DNAJC27: variants seen among roughly 807,000 people sequenced by gnomAD.
DNAJC27 encodes dnaJ homolog subfamily C member 27.
A neutral mutation model predicts 31.4 loss-of-function variants in DNAJC27; 25 were observed. The observed-to-expected ratio is 0.80, with a 90% CI of 0.58 to 1.11. The LOEUF is 1.11. Among genes scored for constraint, DNAJC27 ranks in the 50% most tolerant of loss-of-function variants. DNAJC27 has a pLI of 0.00. For synonymous variants in DNAJC27, 106 were observed against 112.7 expected (o/e 0.94, Z 0.37); for missense variants, 356 against 347.3 (o/e 1.02, Z -0.20).
chr2:24,962,187 A>G (rs1418137126), intron 3 of DNAJC27, among the ~76,000 whole-genome samples: 3 of 150,748 alleles, frequency 2.0e-5, no homozygotes, highest in Non-Finnish European at 3.0e-5. Context: ...ATCTCCTAAC[A>G]CTTGGAAACT....
At chr2:24,952,878 T>C (rs1665813465) in intron 5 of DNAJC27, among the ~76,000 whole-genome samples, 1 of 152,198 alleles carries the variant, frequency 6.6e-6, no homozygotes, top group South Asian at 2.1e-4. Context: ...CTTATGGCCT[T>C]TTCTTTTTCT....
At chr2:24,953,603 C>T in intron 5 of DNAJC27, 1 of 445,354 alleles carries the variant, frequency 2.2e-6, no homozygotes, top group Non-Finnish European at 3.0e-6. Context: ...TTTAAACAGA[C>T]TAATTTATCC....
At position 24,949,541 on chromosome 2, in the gene DNAJC27, C is replaced by G. The variant is rs144249919; in HGVS notation, c.690-1793G>C. ...AACACAGTTAACAGTCAACAAATAC[C>G]AAAACTCTCTGTAACTTAAGAAAAA... is the stretch of plus-strand genomic sequence containing the variant. On this transcript the variant is annotated intron_variant, in intron 6 of 6. Transcript: ENST00000264711. Among the ~76,000 whole-genome samples the G allele has an allele frequency of 1.8e-3, 268 of 152,276 alleles. 4 individuals carry two copies. Among genetic ancestry groups the G allele is most frequent in the African/African-American group, 6.1e-3 (254 of 41,556 alleles).
chr2:24,950,964 T>TTATA (rs1665760204), intron 6 of DNAJC27, among the ~76,000 whole-genome samples: 2 of 152,284 alleles, frequency 1.3e-5, no homozygotes, highest in South Asian at 4.1e-4. Flanking sequence ...TAAGAACCAA[T>TTATA]TATACCACTA....
chr2:24,962,143 A>C (rs1666056059), intron 3 of DNAJC27, among the ~76,000 whole-genome samples: 1 of 152,140 alleles, frequency 6.6e-6, no homozygotes, highest in South Asian at 2.1e-4. Flanking sequence ...ATGGAATCAA[A>C]CTAGAAATCA....
In DNAJC27 at chr2:24,947,497, C is replaced by T. The variant is rs1665675417; in HGVS notation, c.*119G>A. ...ACCTGAATTACTGATATACAAATGA[C>T]AACACATGAATGAAAAGAGCAGTGA... On this transcript the variant is annotated 3_prime_UTR_variant, in exon 7 of 7. Coordinates refer to ENST00000264711, the MANE Select transcript of DNAJC27 (RefSeq NM_016544.3). The T allele has an allele frequency of 8.0e-7, 1 of 1,249,270 alleles. No homozygotes were observed. Among genetic ancestry groups the T allele is most frequent in the Non-Finnish European group, 1.1e-6 (1 of 900,474 alleles). The allele number at this position is 1,249,270 out of a possible 1,614,324, so 77.4% of individuals were successfully genotyped here.
At chr2:24,948,778 G>A (rs1479240316) in intron 6 of DNAJC27, among the ~76,000 whole-genome samples, 2 of 152,148 alleles carry the variant, frequency 1.3e-5, no homozygotes, top group Non-Finnish European at 2.9e-5. Flanking sequence ...AGGGCTCTAA[G>A]TACCCAGCCA....
chr2:24,969,992 C>A (rs1380603922), intron 1 of DNAJC27, among the ~76,000 whole-genome samples: 1 of 152,052 alleles, frequency 6.6e-6, no homozygotes, highest in East Asian at 1.9e-4. Context: ...ATTGTGTAAT[C>A]CCACGTAAGG....
rs1665605598 is a variant in DNAJC27, at chr2:24,944,663, C to CT, written c.*2952dup. Reference sequence around the variant, plus strand: ...AAGTCTGGATTTTTAAATTAACAGGCTAAGAAAACTAAGGACACATTGATA... The same window carrying CT: ...AAGTCTGGATTTTTAAATTAACAGGCTTAAGAAAACTAAGGACACATTGATA... On this transcript the variant is annotated 3_prime_UTR_variant, in exon 7 of 7. Transcript: ENST00000264711. 6.6e-6 allele frequency: 1 copy of CT among 152,384 alleles called. No individual in the cohort carries two copies. Among genetic ancestry groups the CT allele is most frequent in the Non-Finnish European group, 1.5e-5 (1 of 68,000 alleles). 9.4% of individuals were successfully genotyped at this position (152,384 alleles called of 1,614,324 possible).
At position 24,967,307 on chromosome 2, in the gene DNAJC27, A is replaced by G. The variant is rs1666211110; in HGVS notation, c.88-14T>C. 1.3e-6 allele frequency: 2 copies of G among 1,544,360 alleles called. No homozygotes were observed. Among genetic ancestry groups the G allele is most frequent in the Non-Finnish European group, 1.8e-6 (2 of 1,117,818 alleles). ...TATAATACAGCTCTAAAAAGGTAAA[A>G]AATACAGGCATTTAGTAAATACATA... is the stretch of plus-strand genomic sequence containing the variant. On this transcript the variant is annotated splice_polypyrimidine_tract_variant and intron_variant, in intron 1 of 6. Coordinates refer to ENST00000264711, the MANE Select transcript of DNAJC27 (RefSeq NM_016544.3).
At chr2:24,957,746 TC>T in intron 4 of DNAJC27, 63 bp downstream of exon 4, 1 of 1,442,484 alleles carries the variant, frequency 6.9e-7, no homozygotes, top group Non-Finnish European at 9.5e-7. Flanking sequence ...TCTTTTTGTT[TC>T]CCAACACTCA....
rs1485116448 is a variant in DNAJC27 at position 24,946,288 on chromosome 2, G to A, written c.*1328C>T. On this transcript the variant is annotated 3_prime_UTR_variant, in exon 7 of 7. Coordinates refer to ENST00000264711, the MANE Select transcript of DNAJC27 (RefSeq NM_016544.3). ...AGATTCCTCCCAACAGAGGCCCTGA[G>A]ATCTCCCCTGACTGCCACCCAAAGG... 1 of 152,152 alleles carries A rather than the reference G, an allele frequency of 6.6e-6. No homozygotes were observed. Among genetic ancestry groups the A allele is most frequent in the African/African-American group, 2.4e-5 (1 of 41,420 alleles). The allele number at this position is 152,152 out of a possible 1,614,324, so 9.4% of individuals were successfully genotyped here.
chr2:24,962,227 T>TGTG (rs777525884), intron 3 of DNAJC27, among the ~76,000 whole-genome samples: 117 of 149,116 alleles, frequency 7.8e-4, no homozygotes, highest in South Asian at 2.7e-3. Flanking sequence ...TTTTGTTTTT[T>TGTG]TTTGTGTTTT....
chr2:24,963,258 C>T, intron 3 of DNAJC27, 147 bp downstream of exon 3: 1 of 510,372 alleles, frequency 2.0e-6, no homozygotes, highest in East Asian at 3.0e-5. Context: ...TGTCTATTAA[C>T]TCAAGGCTCT....
intron 2 of DNAJC27, among the ~76,000 whole-genome samples, chr2:24,966,617 C>T (rs758219966): frequency 3.9e-5 from 6 of 152,134 alleles, no homozygotes; most frequent in African/African-American, 1.4e-4. Flanking sequence ...TGCCACCACA[C>T]CCGGCTAATT....
intron 1 of DNAJC27, chr2:24,968,875 AAT>A (rs1491210918): frequency 2.0e-5 from 3 of 153,806 alleles, no homozygotes; most frequent in Admixed American, 1.3e-4. Context: ...GCTTAAAAAA[AAT>A]TTTTTTTTAA....
chr2:24,970,930 G>A lies in DNAJC27; in HGVS notation c.87+888C>T, dbSNP rs553089573. On this transcript the variant is annotated intron_variant, in intron 1 of 6. Coordinates refer to ENST00000264711, the MANE Select transcript of DNAJC27 (RefSeq NM_016544.3). Reference sequence around the variant, plus strand: ...CTCCTGGGTGCCAGGCACTGGACTAGGCACTGCCTTAACAGCTCTTTCGGA... The same window carrying A: ...CTCCTGGGTGCCAGGCACTGGACTAAGCACTGCCTTAACAGCTCTTTCGGA... 3.9e-5 allele frequency among the ~76,000 whole-genome samples: 6 copies of A among 152,326 alleles called. No homozygotes were observed. The East Asian group carries it at 7.7e-4, about 20-fold the overall frequency.
intron 5 of DNAJC27, among the ~76,000 whole-genome samples, chr2:24,956,296 T>C (rs1665903216): frequency 6.6e-6 from 1 of 152,240 alleles, no homozygotes; most frequent in African/African-American, 2.4e-5. Flanking sequence ...TGCTACCACT[T>C]ACTTCCAAAT....
At position 24,945,984 on chromosome 2, in the gene DNAJC27, C is replaced by T. The variant is rs1341049057; in HGVS notation, c.*1632G>A. 1.3e-5 allele frequency: 2 copies of T among 152,146 alleles called. No individual in the cohort carries two copies. Among genetic ancestry groups the T allele is most frequent in the Non-Finnish European group, 2.9e-5 (2 of 68,040 alleles). 9.4% of individuals were successfully genotyped at this position (152,146 alleles called of 1,614,324 possible). ...TCACAGGACAGGAAGATTTTATATA[C>T]TTTCAAGCCCCAATTAGTACAGCTA... is the stretch of plus-strand genomic sequence containing the variant. On this transcript the variant is annotated 3_prime_UTR_variant, in exon 7 of 7. Transcript: ENST00000264711.
Sources: gnomAD v4.1 joint callset for allele counts (sites outside exome capture counted in the v4.1 genomes callset) on GRCh38, gnomAD v4.1.1 for gene constraint, MANE v1.5 for transcripts, NCBI Gene and HGNC (gene_info 2026-07-23, HGNC 2026-07-21) for gene names.